The following CDH15 variants were observed in gnomAD, a reference collection of about 807,000 sequenced individuals.
The protein encoded by CDH15 is cadherin-15.
CDH15 carries 73 observed loss-of-function variants against 69.4 expected under a neutral mutation model. The observed-to-expected ratio is 1.05, with a 90% CI of 0.87 to 1.28. The LOEUF is 1.28. Among genes scored for constraint, CDH15 ranks in the 50% most tolerant of loss-of-function variants. CDH15 has a pLI of 0.00. For synonymous variants in CDH15, 624 were observed against 507.7 expected (o/e 1.23, Z -3.08); for missense variants, 1,343 against 1,133.6 (o/e 1.18, Z -2.65).
chr16:89,188,639 T>G (rs142355533), intron 7 of CDH15, among the ~76,000 whole-genome samples: 5 of 26,646 alleles, frequency 1.9e-4, no homozygotes, highest in Non-Finnish European at 3.7e-4. Context: ...CAGATGCCCA[T>G]GCACAGATGC....
Position 89,195,443 on chromosome 16 carries a change from C to T in CDH15, c.*288C>T, listed in dbSNP as rs1915790922. The T allele has an allele frequency of 2.1e-6, 1 of 486,314 alleles. No individual in the cohort carries two copies. The highest frequency in any genetic ancestry group is 3.7e-6 in the Non-Finnish European group (1 of 272,534). The allele number at this position is 486,314 out of a possible 1,614,324, so 30.1% of individuals were successfully genotyped here. A position where few individuals can be genotyped will look rare whatever the true frequency, so the allele number is the denominator to read the frequency against. ...AACCTCATCTTTGTATGAAAGACAGCAACCTCCTGGGTAAATCTGAATGAA... is the reference window on the plus strand; with the variant it reads ...AACCTCATCTTTGTATGAAAGACAGTAACCTCCTGGGTAAATCTGAATGAA... On this transcript the variant is annotated 3_prime_UTR_variant, in exon 14 of 14. Coordinates refer to ENST00000289746, the MANE Select transcript of CDH15 (RefSeq NM_004933.3).
chr16:89,183,636 G>C lies in CDH15; in HGVS notation c.446G>C (p.Arg149Pro), dbSNP rs141102499. The C allele has an allele frequency of 3.7e-6, 6 of 1,613,762 alleles. No individual in the cohort carries two copies. Among genetic ancestry groups the C allele is most frequent in the Non-Finnish European group, 5.1e-6 (6 of 1,179,912 alleles). Residue 149 changes from arginine to proline, a missense_variant, in exon 4 of 14, where the codon CGG becomes CCG. By Grantham distance (103) the Arg-to-Pro change is moderately radical. Transcript: ENST00000289746. ...EIVVVDQNDNRPAFLQEAFTG... is the reference protein window; with the variant it reads ...EIVVVDQNDNPPAFLQEAFTG... ...GTAGTTGTGGATCAGAATGACAACC[G>C]GCCAGCCTTCCTGCAGGAGGCGTTC... is the stretch of plus-strand genomic sequence containing the variant.
chr16:89,179,133 G>A (rs2151598792), intron 1 of CDH15, among the ~76,000 whole-genome samples: 2 of 152,344 alleles, frequency 1.3e-5, no homozygotes, highest in Non-Finnish European at 2.9e-5. Flanking sequence ...AGTGGGCCCA[G>A]TAGGAGACTC....
intron 1 of CDH15, among the ~76,000 whole-genome samples, chr16:89,174,250 C>A (rs554475132): frequency 6.6e-6 from 1 of 152,352 alleles, no homozygotes; most frequent in South Asian, 2.1e-4. Context: ...TGGGGCCATT[C>A]CTGGCATGCC....
rs778810963 is a variant in CDH15, at chr16:89,190,371, C to T, written c.1107C>T (p.Thr369=). Residue 369 remains threonine (T), a synonymous_variant, in exon 8 of 14, where the codon ACC becomes ACT. Coordinates refer to ENST00000289746, the MANE Select transcript of CDH15 (RefSeq NM_004933.3). ...QAKVRVHVQD[T]NEPPVFQENP... ...AGGTCCGCGTGCATGTGCAGGACAC[C>T]AACGAGCCCCCCGTGTTCCAGGAGA... 1.2e-6 allele frequency: 2 copies of T among 1,612,782 alleles called. No individual in the cohort carries two copies. Among genetic ancestry groups the T allele is most frequent in the East Asian group, 2.2e-5 (1 of 44,878 alleles).
Position 89,190,376 on chromosome 16 carries a change from A to T in CDH15, c.1112A>T (p.Glu371Val). 6.2e-7 allele frequency: 1 copy of T among 1,612,924 alleles called. No individual in the cohort carries two copies. The highest frequency in any genetic ancestry group is 8.5e-7 in the Non-Finnish European group (1 of 1,179,968). ...KVRVHVQDTN[E>V]PPVFQENPLR... Reference sequence around the variant, plus strand: ...CGCGTGCATGTGCAGGACACCAACGAGCCCCCCGTGTTCCAGGAGAACCCA... The same window carrying T: ...CGCGTGCATGTGCAGGACACCAACGTGCCCCCCGTGTTCCAGGAGAACCCA... Residue 371 changes from glutamate (E) to valine (V), a missense_variant, in exon 8 of 14, where the codon GAG (glutamate) becomes GTG (valine). By Grantham distance (121) the Glu-to-Val change is moderately radical. Coordinates refer to ENST00000289746, the MANE Select transcript of CDH15 (RefSeq NM_004933.3).
chr16:89,183,980 G>A (rs1223662868), intron 4 of CDH15, among the ~76,000 whole-genome samples: 3 of 152,076 alleles, frequency 2.0e-5, no homozygotes, highest in Non-Finnish European at 1.5e-5. Context: ...CTGGAGCCAG[G>A]CACACTCCAT....
intron 1 of CDH15, among the ~76,000 whole-genome samples, chr16:89,172,287 G>A (rs1915173915): frequency 6.6e-6 from 1 of 152,076 alleles, no homozygotes; most frequent in Non-Finnish European, 1.5e-5. Context: ...GACTCCCTGC[G>A]GTGGGCACAG....
rs1246713988 is a variant in CDH15, at chr16:89,188,080, G to C, written c.793-20G>C. On this transcript the variant is annotated intron_variant, in intron 6 of 13. Coordinates refer to ENST00000289746, the MANE Select transcript of CDH15 (RefSeq NM_004933.3). ...TCCCCCCAGCCCTGCTGGTAACTGG[G>C]GCTGGGATCCCCCACCCAGTTCTTC... The C allele has an allele frequency of 6.2e-7, 1 of 1,600,410 alleles. No homozygotes were observed. Among genetic ancestry groups the C allele is most frequent in the East Asian group, 2.3e-5 (1 of 44,318 alleles).
chr16:89,190,429 C>G lies in CDH15; in HGVS notation c.1165C>G (p.Pro389Ala), dbSNP rs368177428. Residue 389 changes from proline (P) to alanine (A), a missense_variant, in exon 8 of 14, where the codon CCC (proline) becomes GCC (alanine). Coordinates refer to ENST00000289746, the MANE Select transcript of CDH15 (RefSeq NM_004933.3). ...PLRTSLAEGA[P>A]PGTLVATFSA... is the part of the protein sequence containing the mutation. Reference sequence around the variant, plus strand: ...TCGGACCAGCCTAGCAGAGGGGGCACCCCCAGGCACTCTGGTGGCCACCTT... The same window carrying G: ...TCGGACCAGCCTAGCAGAGGGGGCAGCCCCAGGCACTCTGGTGGCCACCTT... 9 of 1,609,730 alleles carry G rather than the reference C, an allele frequency of 5.6e-6. No individual in the cohort carries two copies. Among genetic ancestry groups the G allele is most frequent in the Non-Finnish European group, 7.6e-6 (9 of 1,178,932 alleles).
At chr16:89,183,431 A>G (rs1232733519) in intron 3 of CDH15, 117 bp from the exon 4 acceptor site, 1 of 1,207,490 alleles carries the variant, frequency 8.3e-7, no homozygotes. Flanking sequence ...CGCCTGTTTA[A>G]GCTGGTGTTT....
Position 89,182,006 on chromosome 16 carries a change from G to GA in CDH15, c.358-1534dup, listed in dbSNP as rs563081604. On this transcript the variant is annotated intron_variant, in intron 3 of 13. Coordinates refer to ENST00000289746, the MANE Select transcript of CDH15 (RefSeq NM_004933.3). Reference sequence around the variant, plus strand: ...GGAGGAGAAGAAGAAAGAAGAAGAAGAAAAAAAAGGGCAGTGGGAGCAAGC... The same window carrying GA: ...GGAGGAGAAGAAGAAAGAAGAAGAAGAAAAAAAAAGGGCAGTGGGAGCAAGC... Among the ~76,000 whole-genome samples, 246 of 150,438 alleles carry GA rather than the reference G, an allele frequency of 1.6e-3. 1 individual carries two copies. The highest frequency in any genetic ancestry group is 6.9e-3 in the Middle Eastern group (2 of 290).
In CDH15 at chr16:89,183,769, A is replaced by G. The variant is rs1169833549; in HGVS notation, c.502+77A>G. On this transcript the variant is annotated intron_variant, in intron 4 of 13. Coordinates refer to ENST00000289746, the MANE Select transcript of CDH15 (RefSeq NM_004933.3). ...GTGAAGTCCAGGACTTCCCTTAAGC[A>G]AGAATTCCAGAGGCCCCTCAGAGTC... The G allele has an allele frequency of 1.2e-5, 17 of 1,463,188 alleles. No individual in the cohort carries two copies. In the Admixed American group the frequency reaches 3.4e-4, roughly 30 times the overall value. The allele number at this position is 1,463,188 out of a possible 1,614,324, so 90.6% of individuals were successfully genotyped here.
intron 2 of CDH15, 109 bp downstream of exon 2, chr16:89,179,683 C>A (rs1915333061): frequency 2.6e-6 from 3 of 1,158,848 alleles, no homozygotes; most frequent in African/African-American, 3.1e-5. Context: ...CATTTCAGGA[C>A]AGAGCTGAGG....
At chr16:89,182,689 G>A (rs1399383397) in intron 3 of CDH15, 1 of 152,090 alleles carries the variant, frequency 6.6e-6, no homozygotes, top group Non-Finnish European at 1.5e-5. Flanking sequence ...TGTGGGGAAA[G>A]GACGCTTCCT....
chr16:89,191,006 C>T (rs1009194166), intron 8 of CDH15, among the ~76,000 whole-genome samples: 1 of 142,974 alleles, frequency 7.0e-6, no homozygotes, highest in Non-Finnish European at 1.5e-5. Flanking sequence ...TGTGTATGTG[C>T]ATATGTGTGT....
At position 89,191,356 on chromosome 16, in the gene CDH15, A is replaced by C; in HGVS notation, c.1259A>C (p.Asp420Ala). Residue 420 changes from aspartate (D) to alanine (A), a missense_variant, in exon 9 of 14, where the codon GAC becomes GCC. Coordinates refer to ENST00000289746, the MANE Select transcript of CDH15 (RefSeq NM_004933.3). ...TACTCCAAGGACTACGACCCGGAAG[A>C]CTGGCTGCAAGTGGACGCAGCCACT... ...LSYSKDYDPE[D>A]WLQVDAATGR... 1 of 1,612,638 alleles carries C rather than the reference A, an allele frequency of 6.2e-7. No individual in the cohort carries two copies. The highest frequency in any genetic ancestry group is 8.5e-7 in the Non-Finnish European group (1 of 1,179,958).
At chr16:89,177,171 G>A (rs1915275140) in intron 1 of CDH15, among the ~76,000 whole-genome samples, 1 of 145,988 alleles carries the variant, frequency 6.8e-6, no homozygotes, top group Non-Finnish European at 1.5e-5. Flanking sequence ...CTCACTACAC[G>A]TGGTACCGGT....
intron 7 of CDH15, 33 bp downstream of exon 7, chr16:89,188,318 G>T: frequency 6.3e-7 from 1 of 1,591,454 alleles, no homozygotes; most frequent in East Asian, 2.2e-5. Context: ...ACAGATGCCG[G>T]CAGACGCAGA....
Sources: allele counts gnomAD v4.1 joint callset (sites outside exome capture counted in the v4.1 genomes callset), GRCh38; gene constraint gnomAD v4.1.1; transcripts MANE v1.5; gene names NCBI Gene and HGNC (gene_info 2026-07-23, HGNC 2026-07-21).